Variants in ESRRG observed in about 807,000 individuals in gnomAD.
ESRRG encodes estrogen related receptor gamma.
A neutral mutation model predicts 44.0 loss-of-function variants in ESRRG; 13 were observed. The ratio of observed to expected loss-of-function variants is 0.30; its 90% CI spans 0.19 to 0.47. ESRRG has a LOEUF of 0.47. ESRRG is among the 20% of genes least tolerant of loss of function. The probability of loss-of-function intolerance (pLI) is 1.00; values close to 1 mark genes in which losing one functional copy is unlikely to be tolerated. For missense variants in ESRRG, 395 were observed against 580.6 expected, an observed-to-expected ratio of 0.68 and a Z score of 3.29; for synonymous variants, 215 against 214.6, an observed-to-expected ratio of 1.00 and a Z score of -0.02.
In ESRRG at chr1:216,507,079, G is replaced by A. The variant is rs1175042812; in HGVS notation, c.1237C>T (p.Arg413Ter). 1.2e-6 allele frequency: 2 copies of A among 1,613,978 alleles called. No individual in the cohort carries two copies. Among genetic ancestry groups the A allele is most frequent in the Non-Finnish European group, 1.7e-6 (2 of 1,180,016 alleles). Residue 413 changes from arginine to a stop codon, truncating the protein, a stop_gained, in exon 7 of 7, where the codon CGA becomes TGA. Coordinates refer to ENST00000408911, the MANE Select transcript of ESRRG (RefSeq NM_001438.4). LOFTEE classifies it high-confidence loss of function. ...EAGQHMEDPR[R>*]AGKMLMTLPL... is the part of the protein sequence containing the mutation. ...AGTGTCATCAGCATCTTGCCAGCTC[G>A]ACGAGGGTCTTCCATGTGCTGGCCA...
intron 1 of ESRRG, among the ~76,000 whole-genome samples, chr1:216,944,733 T>C (rs1156497155): frequency 2.0e-5 from 3 of 152,166 alleles, no homozygotes; most frequent in African/African-American, 4.8e-5. Flanking sequence ...CTACCAACCA[T>C]ATCTGCCTGA....
At chr1:216,892,338 A>G (rs1052540594) in intron 2 of ESRRG, among the ~76,000 whole-genome samples, 8 of 152,230 alleles carry the variant, frequency 5.3e-5, no homozygotes, top group Admixed American at 2.0e-4. Context: ...TTTATTTTGC[A>G]GTTTTAAGGG....
chr1:216,683,166 A>G (rs1377105958), intron 1 of ESRRG, among the ~76,000 whole-genome samples: 2 of 152,178 alleles, frequency 1.3e-5, no homozygotes, highest in African/African-American at 4.8e-5. Context: ...TAGTTGGGAA[A>G]AGAAGAGAAA....
chr1:216,673,903 C>T (rs1308001527), intron 2 of ESRRG, among the ~76,000 whole-genome samples: 1 of 152,174 alleles, frequency 6.6e-6, no homozygotes, highest in African/African-American at 2.4e-5. Flanking sequence ...GATAAGAGGA[C>T]ACTCCAACCA....
chr1:217,108,380 G>A (rs1417642779), intron 1 of ESRRG, among the ~76,000 whole-genome samples: 1 of 152,098 alleles, frequency 6.6e-6, no homozygotes, highest in Admixed American at 6.6e-5. Context: ...CTGCATACTT[G>A]TGGGTATCAT....
intron 1 of ESRRG, among the ~76,000 whole-genome samples, chr1:217,004,360 T>C (rs189655366): frequency 1.3e-5 from 2 of 152,296 alleles, no homozygotes; most frequent in Admixed American, 1.3e-4. Flanking sequence ...AAAACTGTTC[T>C]AGTGGTAGTG....
At chr1:216,640,342 T>C (rs1267545992) in intron 3 of ESRRG, among the ~76,000 whole-genome samples, 1 of 152,096 alleles carries the variant, frequency 6.6e-6, no homozygotes, top group Non-Finnish European at 1.5e-5. Flanking sequence ...GCCGCTGACC[T>C]ACTCTCCACT....
chr1:217,007,232 G>T (rs529299083), intron 1 of ESRRG, among the ~76,000 whole-genome samples: 21 of 152,260 alleles, frequency 1.4e-4, no homozygotes, highest in African/African-American at 5.1e-4. Context: ...AGATGTGAAT[G>T]TGACTTCTCA....
intron 5 of ESRRG, among the ~76,000 whole-genome samples, chr1:216,544,952 A>G (rs867414880): frequency 6.6e-6 from 1 of 152,080 alleles, no homozygotes; most frequent in Non-Finnish European, 1.5e-5. Flanking sequence ...GAAAATGACA[A>G]TAAGAATTGA....
chr1:216,532,893 G>A (rs1380545334), intron 5 of ESRRG, among the ~76,000 whole-genome samples: 2 of 152,078 alleles, frequency 1.3e-5, no homozygotes, highest in East Asian at 1.9e-4. Flanking sequence ...ACGAGGTTGG[G>A]GGTTTTCTTT....
intron 2 of ESRRG, among the ~76,000 whole-genome samples, chr1:216,892,783 C>A (rs1428304168): frequency 6.6e-6 from 1 of 152,146 alleles, no homozygotes; most frequent in Non-Finnish European, 1.5e-5. Flanking sequence ...GCAATTACAG[C>A]TAGCACATCT....
chr1:216,527,339 T>G lies in ESRRG; in HGVS notation c.863-7918A>C, dbSNP rs114520200. Among the ~76,000 whole-genome samples, 529 of 152,242 alleles carry G rather than the reference T, an allele frequency of 3.5e-3. 4 individuals carry two copies. The highest frequency in any genetic ancestry group is 0.017 in the Middle Eastern group (5 of 294). On this transcript the variant is annotated intron_variant, in intron 5 of 6. Coordinates refer to ENST00000408911, the MANE Select transcript of ESRRG (RefSeq NM_001438.4). ...GCATCCTTACCAAAATCCTTTTATA[T>G]CTTGTATTTCTTTCTTCCATCCTAC...
chr1:217,063,133 G>A (rs560444223), intron 1 of ESRRG, among the ~76,000 whole-genome samples: 4 of 152,198 alleles, frequency 2.6e-5, no homozygotes, highest in African/African-American at 9.6e-5. Context: ...AAAAGCATAG[G>A]AGATTGCAGT....
chr1:216,663,260 A>G (rs2073004159), intron 2 of ESRRG, among the ~76,000 whole-genome samples: 1 of 152,158 alleles, frequency 6.6e-6, no homozygotes. Flanking sequence ...AAAGCAGGGG[A>G]AAAAAAGTAC....
intron 2 of ESRRG, among the ~76,000 whole-genome samples, chr1:216,747,364 A>G (rs2091518256): frequency 6.6e-6 from 1 of 152,176 alleles, no homozygotes; most frequent in South Asian, 2.1e-4. Flanking sequence ...GTCAGTGTTC[A>G]TATACCTCTT....
intron 1 of ESRRG, among the ~76,000 whole-genome samples, chr1:216,688,076 C>A (rs2078355072): frequency 6.6e-6 from 1 of 151,982 alleles, no homozygotes. Context: ...AAAAAAGAAT[C>A]CCTGAGAGAT....
At chr1:216,750,453 A>G (rs1343202704) in intron 2 of ESRRG, among the ~76,000 whole-genome samples, 2 of 152,116 alleles carry the variant, frequency 1.3e-5, no homozygotes, top group African/African-American at 4.8e-5. Context: ...TGGTCTTTTA[A>G]AAAAATATCT....
At chr1:217,118,875 C>T (rs547320122) in intron 1 of ESRRG, among the ~76,000 whole-genome samples, 7 of 152,098 alleles carry the variant, frequency 4.6e-5, no homozygotes, top group South Asian at 2.1e-4. Flanking sequence ...ATTCCTGTAG[C>T]CCCAGCTACT....
chr1:217,005,000 T>A (rs1215088214), intron 1 of ESRRG, among the ~76,000 whole-genome samples: 1 of 152,172 alleles, frequency 6.6e-6, no homozygotes, highest in Non-Finnish European at 1.5e-5. Flanking sequence ...ATGGTTCTAC[T>A]CTTATTAATA....
Sources: allele counts gnomAD v4.1 joint callset (sites outside exome capture counted in the v4.1 genomes callset), GRCh38; gene constraint gnomAD v4.1.1; transcripts MANE v1.5; gene names NCBI Gene and HGNC (gene_info 2026-07-23, HGNC 2026-07-21).